Variants in ITGA1 observed in about 807,000 individuals in gnomAD.
ITGA1 encodes the protein integrin subunit alpha 1.
In ITGA1, 85 loss-of-function variants were observed where a neutral mutation model predicts 145.9. The ratio of observed to expected loss-of-function variants is 0.58; its 90% CI spans 0.49 to 0.70. The LOEUF is 0.70. Among genes scored for constraint, ITGA1 ranks in the 30% least tolerant of loss-of-function variants. The pLI, the probability that ITGA1 is intolerant of heterozygous loss-of-function variation, is 0.00. For synonymous variants in ITGA1, 520 were observed against 495.3 expected (o/e 1.05, Z -0.66); for missense variants, 1,351 against 1,418.7 (o/e 0.95, Z 0.77).
intron 21 of ITGA1, among the ~76,000 whole-genome samples, chr5:52,930,294 A>T (rs1180664299): frequency 6.6e-6 from 1 of 152,164 alleles, no homozygotes; most frequent in Non-Finnish European, 1.5e-5. Context: ...TGCCTGCCAT[A>T]TTATAATCAC....
chr5:52,879,691 AT>A (rs1187239045), intron 6 of ITGA1, among the ~76,000 whole-genome samples: 8 of 152,308 alleles, frequency 5.3e-5, no homozygotes, highest in African/African-American at 1.9e-4. Context: ...TTTTTGTGTA[AT>A]TAGTTGGCTG....
chr5:52,797,331 T>G (rs1241004367), intron 1 of ITGA1, among the ~76,000 whole-genome samples: 1 of 152,110 alleles, frequency 6.6e-6, no homozygotes, highest in Non-Finnish European at 1.5e-5. Context: ...AAAATTTTTT[T>G]AACCATGGAT....
intron 9 of ITGA1, among the ~76,000 whole-genome samples, chr5:52,894,838 C>T (rs1008840689): frequency 2.0e-5 from 3 of 151,964 alleles, no homozygotes; most frequent in African/African-American, 7.3e-5. Context: ...AAAAGTAGAC[C>T]ATTTTGATTG....
intron 11 of ITGA1, among the ~76,000 whole-genome samples, chr5:52,901,415 T>C (rs1750312552): frequency 6.6e-6 from 1 of 152,202 alleles, no homozygotes; most frequent in African/African-American, 2.4e-5. Context: ...CTTGTGGTAA[T>C]TTGTTACAGC....
intron 24 of ITGA1, 34 bp from the exon 25 acceptor site, chr5:52,939,556 C>T: frequency 2.9e-6 from 4 of 1,372,184 alleles, no homozygotes; most frequent in Non-Finnish European, 4.1e-6. Context: ...TGATATCTGG[C>T]ATTGTCTGAT....
intron 1 of ITGA1, chr5:52,824,621 A>G (rs1434246221): frequency 6.6e-6 from 1 of 152,122 alleles, no homozygotes; most frequent in African/African-American, 2.4e-5. Context: ...GCTGATAAGT[A>G]ACCAAGTAAA....
chr5:52,811,746 G>C (rs1406985009), intron 1 of ITGA1, among the ~76,000 whole-genome samples: 1 of 152,058 alleles, frequency 6.6e-6, no homozygotes, highest in Non-Finnish European at 1.5e-5. Flanking sequence ...CAAGTTGCAG[G>C]GTCCTGCCAC....
chr5:52,911,785 A>ATCTACTATATATACTATATATG (rs1750547426), intron 14 of ITGA1, among the ~76,000 whole-genome samples: 5 of 131,504 alleles, frequency 3.8e-5, no homozygotes, highest in Non-Finnish European at 7.9e-5. Flanking sequence ...CTATATATAT[A>ATCTACTATATATACTATATATG]GTGTATCTAC....
intron 1 of ITGA1, among the ~76,000 whole-genome samples, chr5:52,823,908 C>T (rs1338469410): frequency 6.6e-6 from 1 of 152,178 alleles, no homozygotes; most frequent in African/African-American, 2.4e-5. Flanking sequence ...AACATATTAT[C>T]AACGTTTGCC....
At chr5:52,848,254 C>T (rs555623705) in intron 1 of ITGA1, among the ~76,000 whole-genome samples, 1 of 152,266 alleles carries the variant, frequency 6.6e-6, no homozygotes, top group Admixed American at 6.5e-5. Context: ...CATCAGCTTG[C>T]CTTTTCCTTT....
chr5:52,870,495 A>G (rs1366375777), intron 6 of ITGA1, among the ~76,000 whole-genome samples: 1 of 152,202 alleles, frequency 6.6e-6, no homozygotes, highest in African/African-American at 2.4e-5. Context: ...GCCTACTCAG[A>G]AAGGCTTCAG....
intron 1 of ITGA1, among the ~76,000 whole-genome samples, chr5:52,846,318 G>A (rs1749337112): frequency 6.6e-6 from 1 of 152,128 alleles, no homozygotes. Context: ...CATGAGAATA[G>A]CTTGAAGCCG....
rs1259603098 is a variant in ITGA1, at chr5:52,954,265, G to A, written c.*1814G>A. On this transcript the variant is annotated 3_prime_UTR_variant, in exon 29 of 29. Transcript: ENST00000282588. ...GGTTTCTCTTATTCAGAGTTACCAT[G>A]TTGCACACCCCCAGTGCTCAGCCTG... 6.6e-6 allele frequency: 1 copy of A among 152,096 alleles called. No homozygotes were observed. The highest frequency in any genetic ancestry group is 2.4e-5 in the African/African-American group (1 of 41,382). The allele number at this position is 152,096 out of a possible 1,614,324, so 9.4% of individuals were successfully genotyped here. A position where few individuals can be genotyped will look rare whatever the true frequency, so the allele number is the denominator to read the frequency against.
At chr5:52,891,527 G>A (rs1203881703) in intron 8 of ITGA1, among the ~76,000 whole-genome samples, 5 of 133,386 alleles carry the variant, frequency 3.7e-5, no homozygotes, top group African/African-American at 1.1e-4. Context: ...TCCAGTTTGA[G>A]TTATTGTTAT....
intron 1 of ITGA1, among the ~76,000 whole-genome samples, chr5:52,809,732 C>T (rs7734783): frequency 0.26 from 40,096 of 151,872 alleles, 5,566 homozygotes; most frequent in Non-Finnish European, 0.3. Flanking sequence ...TCTCAAACTC[C>T]TGACCTCAAG....
chr5:52,799,629 C>T (rs1748413950), intron 1 of ITGA1, among the ~76,000 whole-genome samples: 1 of 152,228 alleles, frequency 6.6e-6, no homozygotes, highest in Non-Finnish European at 1.5e-5. Flanking sequence ...GCTGGGAGCC[C>T]AGACAGAACG....
intron 1 of ITGA1, among the ~76,000 whole-genome samples, chr5:52,794,724 A>C (rs1310009625): frequency 6.6e-6 from 1 of 151,844 alleles, no homozygotes; most frequent in African/African-American, 2.4e-5. Flanking sequence ...TTAGCTAACT[A>C]ATCCTCCCAG....
chr5:52,829,465 T>A (rs189764204), intron 1 of ITGA1, among the ~76,000 whole-genome samples: 1 of 152,144 alleles, frequency 6.6e-6, no homozygotes, highest in Non-Finnish European at 1.5e-5. Context: ...TATCTGTAGG[T>A]TAAGGAGGAA....
At chr5:52,874,250 A>G (rs1157187507) in intron 6 of ITGA1, among the ~76,000 whole-genome samples, 8 of 152,032 alleles carry the variant, frequency 5.3e-5, no homozygotes, top group African/African-American at 1.7e-4. Context: ...CTTTGTAACA[A>G]CCTGTTCTCT....
Sources: allele counts gnomAD v4.1 joint callset (sites outside exome capture counted in the v4.1 genomes callset), GRCh38; gene constraint gnomAD v4.1.1; transcripts MANE v1.5; gene names NCBI Gene and HGNC (gene_info 2026-07-23, HGNC 2026-07-21).